The following SCAI variants were observed in gnomAD, a reference collection of about 807,000 sequenced individuals.
SCAI encodes suppressor of cancer cell invasion, also known as protein SCAI.
In SCAI, 24 loss-of-function variants were observed where a neutral mutation model predicts 92.2. The ratio of observed to expected loss-of-function variants is 0.26; its 90% confidence interval spans 0.19 to 0.37. The LOEUF (loss-of-function observed/expected upper bound fraction) is 0.37, where lower values mean the gene tolerates loss of function less well. Ranked by LOEUF, SCAI falls within the 10% of genes least tolerant of loss-of-function variation. The probability of loss-of-function intolerance (pLI) is 1.00; values close to 1 mark genes in which losing one functional copy is unlikely to be tolerated. For missense variants in SCAI, 450 were observed against 736.2 expected (o/e 0.61, Z 4.50); for synonymous variants, 261 against 258.6 (o/e 1.01, Z -0.09).
At chr9:125,004,779 A>ATTTTTTTTTT in intron 9 of SCAI, among the ~76,000 whole-genome samples, 2 of 13,166 alleles carry the variant, frequency 1.5e-4, no homozygotes, top group Non-Finnish European at 2.8e-4. Flanking sequence ...ATATATATAT[A>ATTTTTTTTTT]TTTTTTTTTT....
intron 2 of SCAI, among the ~76,000 whole-genome samples, chr9:125,063,445 A>G (rs540254404): frequency 6.6e-6 from 1 of 152,236 alleles, no homozygotes; most frequent in African/African-American, 2.4e-5. Flanking sequence ...CAAAGAGTGT[A>G]ACAGTAAAAT....
In SCAI at chr9:125,018,902, G is replaced by T; in HGVS notation, c.758C>A (p.Ser253Ter). Residue 253 changes from serine to a stop codon, truncating the protein, a stop_gained, in exon 9 of 18, where the codon TCG becomes TAG. Transcript: ENST00000336505. LOFTEE classifies it high-confidence loss of function. ...LNDDNTIVITSNRLAETGAPL... is the reference protein window; with the variant it reads ...LNDDNTIVIT The stretch of plus-strand genomic sequence containing the variant: ...GGCTCCTGTTTCAGCAAGGCGATTC[G>T]ATGTGATAACAATGGTATTATCATC... The T allele has an allele frequency of 6.2e-7, 1 of 1,613,892 alleles. No homozygotes were observed. The highest frequency in any genetic ancestry group is 8.5e-7 in the Non-Finnish European group (1 of 1,179,916).
chr9:125,073,092 A>ATTTTTTTTT (rs764858681), intron 2 of SCAI, among the ~76,000 whole-genome samples: 2,133 of 72,486 alleles, frequency 0.029, 282 homozygotes, highest in Non-Finnish European at 0.043. Flanking sequence ...TCTATTTTTA[A>ATTTTTTTTT]TTTTTTTTTT....
chr9:125,102,481 G>C (rs1187225469), intron 2 of SCAI, among the ~76,000 whole-genome samples: 2 of 152,022 alleles, frequency 1.3e-5, no homozygotes, highest in African/African-American at 2.4e-5. Flanking sequence ...CTGGATTCCA[G>C]TCCCACTTGC....
At chr9:124,976,532 C>T (rs961719592) in intron 14 of SCAI, among the ~76,000 whole-genome samples, 14 of 152,182 alleles carry the variant, frequency 9.2e-5, no homozygotes, top group Admixed American at 6.5e-4. Flanking sequence ...GTGAACTTTC[C>T]AAGATCCAGG....
intron 2 of SCAI, among the ~76,000 whole-genome samples, chr9:125,057,745 G>A (rs1833699501): frequency 6.6e-6 from 1 of 152,198 alleles, no homozygotes; most frequent in African/African-American, 2.4e-5. Flanking sequence ...CCTCCACATA[G>A]AAGGGTTCAA....
intron 2 of SCAI, among the ~76,000 whole-genome samples, chr9:125,056,852 G>A (rs933106930): frequency 6.6e-6 from 1 of 152,076 alleles, no homozygotes; most frequent in African/African-American, 2.4e-5. Context: ...TGAGGCAATG[G>A]TATGAGTACA....
chr9:125,133,748 A>G (rs1835456869), intron 2 of SCAI, among the ~76,000 whole-genome samples: 1 of 152,202 alleles, frequency 6.6e-6, no homozygotes, highest in Non-Finnish European at 1.5e-5. Context: ...AAAAACAAAA[A>G]AAAAAGAAAG....
Position 125,069,992 on chromosome 9 carries a change from C to T in SCAI, c.99-13985G>A, listed in dbSNP as rs143218978. ...TATAATTAAGCATGAGCATAAAATA[C>T]TATCACATGTCTCAGCTGTAAAAAT... On this transcript the variant is annotated intron_variant, in intron 2 of 17. Transcript: ENST00000336505. Among the ~76,000 whole-genome samples, 182 of 152,218 alleles carry T rather than the reference C, an allele frequency of 1.2e-3. 1 individual carries two copies. The highest frequency in any genetic ancestry group is 4.2e-3 in the African/African-American group (173 of 41,524).
intron 8 of SCAI, 29 bp downstream of exon 8, chr9:125,019,078 A>G (rs1236594801): frequency 6.5e-7 from 1 of 1,548,130 alleles, no homozygotes; most frequent in African/African-American, 1.4e-5. Flanking sequence ...ATTTATCAAT[A>G]ATTATGATTT....
intron 2 of SCAI, among the ~76,000 whole-genome samples, chr9:125,058,335 G>A (rs371335323): frequency 6.6e-6 from 1 of 151,964 alleles, no homozygotes; most frequent in Non-Finnish European, 1.5e-5. Flanking sequence ...GCAACATGGT[G>A]AAACCCATCT....
rs141204085 is a variant in SCAI, at chr9:125,079,039, ATAATAG to A, written c.99-23038_99-23033del. Among the ~76,000 whole-genome samples, 774 of 152,050 alleles carry A rather than the reference ATAATAG, an allele frequency of 5.1e-3. 5 individuals are homozygous for A. The highest frequency in any genetic ancestry group is 0.018 in the African/African-American group (737 of 41,472). ...CTATTTTTGATATTCATCTATTTTGATAATAGTTTCCTCTATTTTCCTATATAAGCT... is the reference window on the plus strand; with the variant it reads ...CTATTTTTGATATTCATCTATTTTGATTTCCTCTATTTTCCTATATAAGCT... On this transcript the variant is annotated intron_variant, in intron 2 of 17. Coordinates refer to ENST00000336505, the MANE Select transcript of SCAI (RefSeq NM_001144877.3).
intron 2 of SCAI, among the ~76,000 whole-genome samples, chr9:125,138,550 G>C (rs1280693688): frequency 6.6e-6 from 1 of 152,116 alleles, no homozygotes; most frequent in Admixed American, 6.5e-5. Context: ...GAGTAGCTGG[G>C]ACTACAGGCA....
chr9:125,114,628 T>C (rs991344061), intron 2 of SCAI, among the ~76,000 whole-genome samples: 3 of 152,032 alleles, frequency 2.0e-5, no homozygotes, highest in Admixed American at 6.6e-5. Flanking sequence ...CCCCCAGAGA[T>C]AGGGTCTTGC....
chr9:125,087,356 T>C (rs528754261), intron 2 of SCAI, among the ~76,000 whole-genome samples: 25 of 152,326 alleles, frequency 1.6e-4, no homozygotes, highest in African/African-American at 5.8e-4. Flanking sequence ...AGGCAGAAAG[T>C]TGGTAAGACT....
At position 125,075,857 on chromosome 9, in the gene SCAI, G is replaced by A. The variant is rs547879682; in HGVS notation, c.99-19850C>T. 4.0e-5 allele frequency among the ~76,000 whole-genome samples: 6 copies of A among 150,936 alleles called. No individual in the cohort carries two copies. The East Asian group carries it at 7.9e-4, about 20-fold the overall frequency. ...TGGGATTATAGGCGTGAGCCACCAC[G>A]CCTGGCCTTGTTGTATTTTTAGTAG... On this transcript the variant is annotated intron_variant, in intron 2 of 17. Coordinates refer to ENST00000336505, the MANE Select transcript of SCAI (RefSeq NM_001144877.3).
chr9:125,004,779 A>AT lies in SCAI; in HGVS notation c.862-1210dup, dbSNP rs869167558. Among the ~76,000 whole-genome samples the AT allele has an allele frequency of 1.5e-3, 20 of 13,166 alleles. 1 individual carries two copies. Among genetic ancestry groups the AT allele is most frequent in the Non-Finnish European group, 1.7e-3 (12 of 7,042 alleles). The allele number at this position is 13,166 out of a possible 152,430, so 8.6% of individuals were successfully genotyped here. ...TATATATATATATATATATATATAT[A>AT]TTTTTTTTTTTTTTTTTTTTTTTTT... On this transcript the variant is annotated intron_variant, in intron 9 of 17. Coordinates refer to ENST00000336505, the MANE Select transcript of SCAI (RefSeq NM_001144877.3).
At chr9:124,987,175 C>T (rs908199883) in intron 14 of SCAI, among the ~76,000 whole-genome samples, 1 of 152,180 alleles carries the variant, frequency 6.6e-6, no homozygotes, top group African/African-American at 2.4e-5. Context: ...AGGCATGTGC[C>T]ACCATGCCTA....
At chr9:125,019,825 G>T (rs1832832926) in intron 7 of SCAI, among the ~76,000 whole-genome samples, 1 of 152,062 alleles carries the variant, frequency 6.6e-6, no homozygotes, top group African/African-American at 2.4e-5. Context: ...TGTAATCCCA[G>T]CACTTCGGGA....
Sources: allele counts gnomAD v4.1 joint callset (sites outside exome capture counted in the v4.1 genomes callset), GRCh38; gene constraint gnomAD v4.1.1; transcripts MANE v1.5; gene names NCBI Gene and HGNC (gene_info 2026-07-23, HGNC 2026-07-21).